Variants in PHIP observed in about 807,000 individuals in gnomAD.
PHIP encodes PH-interacting protein.
PHIP carries 54 observed loss-of-function variants against 236.8 expected under a neutral mutation model. That is an observed-to-expected ratio of 0.23 (90% confidence interval 0.18 to 0.29). The LOEUF is 0.29. PHIP is among the 10% of genes least tolerant of loss of function. PHIP has a pLI of 1.00. For missense variants in PHIP, 1,370 were observed against 2,190.8 expected (o/e 0.63, Z 7.48); for synonymous variants, 756 against 718.9 (o/e 1.05, Z -0.83).
chr6:78,998,537 A>T, intron 17 of PHIP, 146 bp from the exon 18 acceptor site: 5 of 193,450 alleles, frequency 2.6e-5, no homozygotes, highest in Non-Finnish European at 3.0e-5. Context: ...GATGGGAGTT[A>T]AAAAAAAAAA....
At chr6:79,016,676 A>T (rs763487268) in intron 12 of PHIP, 34 bp from the exon 13 acceptor site, 56 of 1,331,092 alleles carry the variant, frequency 4.2e-5, no homozygotes. Flanking sequence ...CCCAAAGAAA[A>T]ATCATACATG....
At chr6:78,973,656 A>T (rs1767793110) in intron 24 of PHIP, among the ~76,000 whole-genome samples, 1 of 147,860 alleles carries the variant, frequency 6.8e-6, no homozygotes, top group Non-Finnish European at 1.5e-5. Context: ...AGACACACAT[A>T]GGCTCAAAAT....
chr6:79,008,673 T>C (rs1245849915), intron 15 of PHIP, among the ~76,000 whole-genome samples: 1 of 152,108 alleles, frequency 6.6e-6, no homozygotes, highest in Non-Finnish European at 1.5e-5. Context: ...CCTTCTCCTG[T>C]CTCCACGAGA....
chr6:78,973,648 A>G (rs1767791949), intron 24 of PHIP, among the ~76,000 whole-genome samples: 2 of 146,222 alleles, frequency 1.4e-5, no homozygotes, highest in Non-Finnish European at 3.0e-5. Flanking sequence ...ACCTGCAGAG[A>G]CACACATAGG....
At position 78,970,907 on chromosome 6, in the gene PHIP, A is replaced by G; in HGVS notation, c.2890-19T>C. The G allele has an allele frequency of 6.5e-7, 1 of 1,533,570 alleles. No individual in the cohort carries two copies. Among genetic ancestry groups the G allele is most frequent in the Non-Finnish European group, 9.0e-7 (1 of 1,115,816 alleles). 95.0% of individuals were successfully genotyped at this position (1,533,570 alleles called of 1,614,324 possible). On this transcript the variant is annotated intron_variant, in intron 24 of 39. Coordinates refer to ENST00000275034, the MANE Select transcript of PHIP (RefSeq NM_017934.7). Reference sequence around the variant, plus strand: ...AATAAACCTAAAAAATAAAGTCATAATCTTACAACCTGGATGTGTTTCCTT... The same window carrying G: ...AATAAACCTAAAAAATAAAGTCATAGTCTTACAACCTGGATGTGTTTCCTT...
intron 15 of PHIP, among the ~76,000 whole-genome samples, chr6:79,008,057 G>A: frequency 5.6e-5 from 1 of 18,006 alleles, no homozygotes; most frequent in Non-Finnish European, 1.6e-4. Flanking sequence ...GGAGGCTGAG[G>A]CAGGCAGGAA....
intron 24 of PHIP, among the ~76,000 whole-genome samples, chr6:78,974,446 C>T (rs1413014051): frequency 6.6e-6 from 1 of 151,554 alleles, no homozygotes; most frequent in Admixed American, 6.6e-5. Context: ...AATTGACACC[C>T]TAACATCACA....
chr6:79,067,809 C>T (rs1773698683), intron 4 of PHIP: 1 of 153,186 alleles, frequency 6.5e-6, no homozygotes, highest in South Asian at 2.1e-4. Flanking sequence ...TCTGTATCAT[C>T]CCTTTTCCAG....
intron 4 of PHIP, among the ~76,000 whole-genome samples, chr6:79,065,308 T>C (rs1296097095): frequency 6.6e-6 from 1 of 152,210 alleles, no homozygotes; most frequent in Non-Finnish European, 1.5e-5. Flanking sequence ...ACTCTTTGGA[T>C]AAAGATCCAA....
chr6:79,007,149 G>A (rs1400654314), intron 15 of PHIP, among the ~76,000 whole-genome samples: 1 of 152,004 alleles, frequency 6.6e-6, no homozygotes, highest in African/African-American at 2.4e-5. Context: ...GAAATTAAAT[G>A]ATACAAAAAC....
chr6:78,958,354 A>G, intron 32 of PHIP, 121 bp downstream of exon 32: 1 of 627,960 alleles, frequency 1.6e-6, no homozygotes, highest in Admixed American at 2.9e-5. Context: ...CTCCCAGCTG[A>G]GCTATTTTGG....
intron 6 of PHIP, among the ~76,000 whole-genome samples, chr6:79,056,092 A>G (rs972333299): frequency 1.3e-5 from 2 of 152,212 alleles, no homozygotes; most frequent in Admixed American, 1.3e-4. Context: ...CTAAAGAGCA[A>G]TAAAACATAA....
At chr6:79,077,133 C>A (rs923435640) in intron 4 of PHIP, among the ~76,000 whole-genome samples, 1 of 152,016 alleles carries the variant, frequency 6.6e-6, no homozygotes, top group Non-Finnish European at 1.5e-5. Flanking sequence ...CGCGCGCCCC[C>A]GCGCCCGCAC....
At chr6:79,043,864 C>T (rs1562203900) in intron 6 of PHIP, among the ~76,000 whole-genome samples, 1 of 148,838 alleles carries the variant, frequency 6.7e-6, no homozygotes, top group East Asian at 2.0e-4. Flanking sequence ...CTGCCATCTA[C>T]ATTGGGTAAT....
intron 35 of PHIP, among the ~76,000 whole-genome samples, chr6:78,948,133 T>C (rs1330514435): frequency 2.0e-5 from 3 of 152,180 alleles, no homozygotes; most frequent in South Asian, 4.1e-4. Flanking sequence ...ATACTACTTA[T>C]AAATTCTAAA....
chr6:78,951,328 T>C (rs1767618258), intron 35 of PHIP, among the ~76,000 whole-genome samples: 1 of 152,176 alleles, frequency 6.6e-6, no homozygotes, highest in African/African-American at 2.4e-5. Flanking sequence ...TACAATTCTG[T>C]TGAATAAATG....
chr6:79,040,334 T>C (rs143416803), intron 7 of PHIP, among the ~76,000 whole-genome samples: 1 of 152,288 alleles, frequency 6.6e-6, no homozygotes, highest in East Asian at 1.9e-4. Flanking sequence ...ACCACAGTAC[T>C]GTATGCCTCC....
intron 19 of PHIP, among the ~76,000 whole-genome samples, chr6:78,997,026 T>G (rs1769665345): frequency 6.6e-6 from 1 of 151,094 alleles, no homozygotes; most frequent in African/African-American, 2.4e-5. Flanking sequence ...ATTTTTTTTT[T>G]GCATCTGAAT....
chr6:78,992,914 A>C (rs1337430549), intron 19 of PHIP, among the ~76,000 whole-genome samples: 1 of 152,238 alleles, frequency 6.6e-6, no homozygotes, highest in East Asian at 1.9e-4. Flanking sequence ...TGATAAAGGC[A>C]TGTCAAAATC....
Sources: gnomAD v4.1 joint callset for allele counts (sites outside exome capture counted in the v4.1 genomes callset) on GRCh38, gnomAD v4.1.1 for gene constraint, MANE v1.5 for transcripts, NCBI Gene and HGNC (gene_info 2026-07-23, HGNC 2026-07-21) for gene names.